The following CNTNAP2 variants were observed in gnomAD, a reference collection of about 807,000 sequenced individuals.
The protein encoded by CNTNAP2 is contactin-associated protein-like 2.
Under a neutral mutation model 155.2 loss-of-function variants are expected in CNTNAP2, and 98 were observed. The ratio of observed to expected loss-of-function variants is 0.63; its 90% CI spans 0.54 to 0.75. The LOEUF is 0.75. CNTNAP2 is among the 30% of genes least tolerant of loss of function. The pLI is 0.00. For missense variants in CNTNAP2, 1,727 were observed against 1,688.1 expected (o/e 1.02, Z -0.40); for synonymous variants, 651 against 631.2 (o/e 1.03, Z -0.47).
intron 8 of CNTNAP2, among the ~76,000 whole-genome samples, chr7:147,155,865 T>C (rs1338676963): frequency 6.6e-6 from 1 of 152,094 alleles, no homozygotes; most frequent in Non-Finnish European, 1.5e-5. Context: ...AGAGGGACCC[T>C]GAGGAGCTTA....
At chr7:146,387,735 A>G (rs1379239294) in intron 1 of CNTNAP2, among the ~76,000 whole-genome samples, 1 of 151,988 alleles carries the variant, frequency 6.6e-6, no homozygotes, top group Non-Finnish European at 1.5e-5. Context: ...TTTATTCCTC[A>G]TTTTGGTGGA....
chr7:147,869,177 G>T (rs1354276240), intron 13 of CNTNAP2, among the ~76,000 whole-genome samples: 1 of 152,196 alleles, frequency 6.6e-6, no homozygotes, highest in Admixed American at 6.5e-5. Context: ...TATAGAAAAA[G>T]ATAAAACCTT....
At chr7:147,339,097 A>G (rs368732565) in intron 9 of CNTNAP2, among the ~76,000 whole-genome samples, 12 of 152,140 alleles carry the variant, frequency 7.9e-5, no homozygotes, top group African/African-American at 2.7e-4. Context: ...ACTTTGACAA[A>G]TTTTGAATTC....
At chr7:146,388,006 G>A (rs1387874400) in intron 1 of CNTNAP2, among the ~76,000 whole-genome samples, 2 of 145,486 alleles carry the variant, frequency 1.4e-5, no homozygotes, top group Non-Finnish European at 1.5e-5. Flanking sequence ...GTGTGTGCAT[G>A]AGTGTGTGTG....
intron 9 of CNTNAP2, among the ~76,000 whole-genome samples, chr7:147,369,916 A>C (rs987960923): frequency 6.6e-6 from 1 of 152,216 alleles, no homozygotes; most frequent in African/African-American, 2.4e-5. Flanking sequence ...GCCCATAAGA[A>C]AGTGATATTT....
chr7:146,997,244 G>T (rs11983143), intron 3 of CNTNAP2, among the ~76,000 whole-genome samples: 387 of 152,152 alleles, frequency 2.5e-3, no homozygotes, highest in African/African-American at 8.9e-3. Flanking sequence ...TGAGGTATTT[G>T]TCTATACCTA....
chr7:147,333,400 A>T (rs1795609535), intron 9 of CNTNAP2, among the ~76,000 whole-genome samples: 1 of 152,240 alleles, frequency 6.6e-6, no homozygotes, highest in African/African-American at 2.4e-5. Context: ...AAAATCATAA[A>T]ATAGACAAAA....
chr7:147,071,932 G>A (rs1034567886), intron 4 of CNTNAP2, among the ~76,000 whole-genome samples: 1 of 152,080 alleles, frequency 6.6e-6, no homozygotes, highest in African/African-American at 2.4e-5. Context: ...ATATGCCCAG[G>A]GTATCATGAT....
rs538077679 is a variant in CNTNAP2 at position 146,996,755 on chromosome 7, G to T, written c.403-47152G>T. ...GACTTCTAGTACCATGTTAATAGAA[G>T]CGGTGAAAGCAGATGATATGGTTTG... On this transcript the variant is annotated intron_variant, in intron 3 of 23. Transcript: ENST00000361727. Among the ~76,000 whole-genome samples, 193 of 152,118 alleles carry T rather than the reference G, an allele frequency of 1.3e-3. 1 individual carries two copies. Among genetic ancestry groups the T allele is most frequent in the Non-Finnish European group, 1.8e-3 (121 of 67,988 alleles).
At chr7:146,541,522 C>T (rs1416431254) in intron 1 of CNTNAP2, among the ~76,000 whole-genome samples, 1 of 151,988 alleles carries the variant, frequency 6.6e-6, no homozygotes, top group East Asian at 1.9e-4. Flanking sequence ...GTCTCTGCCC[C>T]TACATTTTGC....
chr7:146,922,113 T>C (rs1281876890), intron 3 of CNTNAP2, among the ~76,000 whole-genome samples: 3 of 152,110 alleles, frequency 2.0e-5, no homozygotes, highest in African/African-American at 7.2e-5. Flanking sequence ...TTATATGACA[T>C]GCACAATCAT....
At chr7:146,832,217 T>C (rs142415181) in intron 2 of CNTNAP2, among the ~76,000 whole-genome samples, 1 of 152,314 alleles carries the variant, frequency 6.6e-6, no homozygotes, top group East Asian at 1.9e-4. Flanking sequence ...ATCAATTAGA[T>C]AATTCTCCAT....
At chr7:146,368,424 G>A (rs185088617) in intron 1 of CNTNAP2, among the ~76,000 whole-genome samples, 2 of 152,154 alleles carry the variant, frequency 1.3e-5, no homozygotes, top group Admixed American at 6.5e-5. Context: ...GGTATTGTAC[G>A]GTACGGTGTG....
chr7:147,814,999 G>A (rs1330431711), intron 13 of CNTNAP2, among the ~76,000 whole-genome samples: 1 of 152,164 alleles, frequency 6.6e-6, no homozygotes, highest in East Asian at 1.9e-4. Context: ...TTAGGGACAA[G>A]GTTAGAAAGA....
chr7:147,867,164 C>T (rs1799245314), intron 13 of CNTNAP2, among the ~76,000 whole-genome samples: 1 of 152,098 alleles, frequency 6.6e-6, no homozygotes, highest in Admixed American at 6.5e-5. Context: ...AATCTCTCAG[C>T]ATTTGCTTGT....
intron 3 of CNTNAP2, among the ~76,000 whole-genome samples, chr7:146,912,910 T>A (rs1171789248): frequency 6.6e-6 from 1 of 152,196 alleles, no homozygotes; most frequent in Non-Finnish European, 1.5e-5. Flanking sequence ...TAACATTTGA[T>A]ATACTCATAT....
chr7:148,372,196 G>A (rs1183436841), intron 21 of CNTNAP2, among the ~76,000 whole-genome samples: 5 of 151,750 alleles, frequency 3.3e-5, no homozygotes, highest in Non-Finnish European at 5.9e-5. Flanking sequence ...ACAAGACTCC[G>A]TCTCAAAAAA....
At chr7:147,867,810 A>G (rs574582541) in intron 13 of CNTNAP2, among the ~76,000 whole-genome samples, 2 of 152,150 alleles carry the variant, frequency 1.3e-5, no homozygotes, top group African/African-American at 4.8e-5. Flanking sequence ...AGGTCATTCA[A>G]GGTTTTCTCC....
intron 10 of CNTNAP2, among the ~76,000 whole-genome samples, chr7:147,427,092 G>A (rs1318804209): frequency 6.6e-6 from 1 of 152,098 alleles, no homozygotes; most frequent in Non-Finnish European, 1.5e-5. Flanking sequence ...CTTCCAAGAT[G>A]GTGCCTCATT....
Sources: allele counts gnomAD v4.1 joint callset (sites outside exome capture counted in the v4.1 genomes callset), GRCh38; gene constraint gnomAD v4.1.1; transcripts MANE v1.5; gene names NCBI Gene and HGNC (gene_info 2026-07-23, HGNC 2026-07-21).